The following TWSG1 variants were observed in gnomAD, a reference collection of about 807,000 sequenced individuals.
TWSG1 encodes twisted gastrulation BMP signaling modulator 1, also known as twisted gastrulation protein homolog 1.
A neutral mutation model predicts 23.0 loss-of-function variants in TWSG1; 15 were observed. The observed-to-expected ratio is 0.65, with a 90% CI of 0.44 to 1.00. The LOEUF is 1.00. Ranked by LOEUF, TWSG1 falls within the 50% of genes least tolerant of loss-of-function variation. TWSG1 has a pLI of 0.00. For synonymous variants in TWSG1, 86 were observed against 92.8 expected, an observed-to-expected ratio of 0.93 and a Z score of 0.42; for missense variants, 242 against 278.7, an observed-to-expected ratio of 0.87 and a Z score of 0.94.
chr18:9,396,498 G>A lies in TWSG1; in HGVS notation c.442G>A (p.Val148Met), dbSNP rs775949685. ...TGTGAACCAGCCACACCACCAGAAT[G>A]TGTCTGTCCCCAGCAATAATGTTCA... is the stretch of plus-strand genomic sequence containing the variant. The part of the protein sequence containing the change: ...ETVNQPHHQN[V>M]SVPSNNVHAP... Residue 148 changes from valine (V) to methionine (M), a missense_variant, in exon 4 of 5, where the codon GTG becomes ATG. Coordinates refer to ENST00000262120, the MANE Select transcript of TWSG1 (RefSeq NM_020648.6). The A allele has an allele frequency of 1.9e-6, 3 of 1,614,006 alleles. No homozygotes were observed. The highest frequency in any genetic ancestry group is 2.2e-5 in the South Asian group (2 of 91,076).
intron 3 of TWSG1, among the ~76,000 whole-genome samples, chr18:9,364,288 G>T (rs763337552): frequency 6.6e-6 from 1 of 152,182 alleles, no homozygotes; most frequent in South Asian, 2.1e-4. Flanking sequence ...TGATTAGATT[G>T]AGGCTCAGTT....
At chr18:9,355,221 G>T (rs894865100) in intron 2 of TWSG1, among the ~76,000 whole-genome samples, 1 of 152,204 alleles carries the variant, frequency 6.6e-6, no homozygotes, top group African/African-American at 2.4e-5. Flanking sequence ...CTCCCAAAGT[G>T]CTGGGATTAC....
chr18:9,337,493 A>G, intron 2 of TWSG1, 141 bp downstream of exon 2: 1 of 877,220 alleles, frequency 1.1e-6, no homozygotes, highest in East Asian at 2.7e-5. Context: ...GAATCATGAC[A>G]CACAGGTCTG....
intron 2 of TWSG1, among the ~76,000 whole-genome samples, chr18:9,341,724 A>G (rs2040447109): frequency 6.6e-6 from 1 of 152,154 alleles, no homozygotes; most frequent in Non-Finnish European, 1.5e-5. Flanking sequence ...ATTCTGTTCT[A>G]TCAACTGGAG....
At chr18:9,350,254 T>A (rs1378685428) in intron 2 of TWSG1, among the ~76,000 whole-genome samples, 1 of 55,822 alleles carries the variant, frequency 1.8e-5, no homozygotes, top group Non-Finnish European at 3.4e-5. Context: ...CCTGATATAA[T>A]TTAAAGAAAG....
At position 9,360,039 on chromosome 18, in the gene TWSG1, G is replaced by C. The variant is rs761330233; in HGVS notation, c.191G>C (p.Gly64Ala). Residue 64 changes from glycine (G) to alanine (A), a missense_variant, in exon 3 of 5, where the codon GGG (glycine) becomes GCG (alanine). Physicochemically the swap from Gly to Ala is moderately conservative, Grantham distance 60. Coordinates refer to ENST00000262120, the MANE Select transcript of TWSG1 (RefSeq NM_020648.6). The part of the protein sequence containing the change: ...SCCKECMLCL[G>A]ALWDECCDCV... ...TGTAAGGAGTGCATGCTGTGTCTTGGGGCCCTTTGGGACGAGTGCTGTGAC... is the reference window on the plus strand; with the variant it reads ...TGTAAGGAGTGCATGCTGTGTCTTGCGGCCCTTTGGGACGAGTGCTGTGAC... 6.2e-7 allele frequency: 1 copy of C among 1,613,520 alleles called. No homozygotes were observed. The highest frequency in any genetic ancestry group is 1.7e-5 in the Admixed American group (1 of 59,996).
At position 9,396,482 on chromosome 18, in the gene TWSG1, G is replaced by A. The variant is rs745485806; in HGVS notation, c.426G>A (p.Gln142=). The A allele has an allele frequency of 3.7e-6, 6 of 1,613,940 alleles. No individual in the cohort carries two copies. The African/African-American group carries it at 8.0e-5, about 22-fold the overall frequency. The change falls in exon 4 of 5, where the codon CAG becomes CAA. Residue 142 remains glutamine, a synonymous_variant. Coordinates refer to ENST00000262120, the MANE Select transcript of TWSG1 (RefSeq NM_020648.6). ...TTTCATTTTTAGAAACTGTGAACCA[G>A]CCACACCACCAGAATGTGTCTGTCC... ...NLVSFLETVN[Q]PHHQNVSVPS...
At chr18:9,397,656 T>G (rs1448060023) in intron 4 of TWSG1, among the ~76,000 whole-genome samples, 1 of 152,224 alleles carries the variant, frequency 6.6e-6, no homozygotes, top group Non-Finnish European at 1.5e-5. Flanking sequence ...ATAAATAGTA[T>G]AATTTGTACT....
In TWSG1 at chr18:9,399,712, A is replaced by G; in HGVS notation, c.*185A>G. On this transcript the variant is annotated 3_prime_UTR_variant, in exon 5 of 5. Coordinates refer to ENST00000262120, the MANE Select transcript of TWSG1 (RefSeq NM_020648.6). ...TTTAATTATATAACTGTTCTTACTG[A>G]TTTTATTGCCCCCTAGCAATAAGCC... 1.9e-6 allele frequency: 1 copy of G among 517,546 alleles called. No homozygotes were observed. The highest frequency in any genetic ancestry group is 3.3e-6 in the Non-Finnish European group (1 of 306,188). The allele number at this position is 517,546 out of a possible 1,614,324, so 32.1% of individuals were successfully genotyped here.
chr18:9,388,167 C>T (rs550475576), intron 3 of TWSG1: 15 of 152,234 alleles, frequency 9.9e-5, no homozygotes, highest in East Asian at 1.9e-4. Context: ...TCCTCTGCCC[C>T]TCTGTATTTC....
At chr18:9,380,022 C>T (rs2040648914) in intron 3 of TWSG1, among the ~76,000 whole-genome samples, 1 of 152,190 alleles carries the variant, frequency 6.6e-6, no homozygotes, top group Non-Finnish European at 1.5e-5. Flanking sequence ...TTCTTAACAT[C>T]AGGCATTCCC....
intron 2 of TWSG1, among the ~76,000 whole-genome samples, chr18:9,347,964 T>C (rs2040484970): frequency 6.6e-6 from 1 of 152,176 alleles, no homozygotes; most frequent in Non-Finnish European, 1.5e-5. Context: ...TTTTCTTTTA[T>C]GTCTTTTTTA....
intron 3 of TWSG1, among the ~76,000 whole-genome samples, chr18:9,394,583 C>G (rs1386384379): frequency 6.6e-6 from 1 of 151,976 alleles, no homozygotes; most frequent in African/African-American, 2.4e-5. Flanking sequence ...TTGAATGTTC[C>G]AACACAAAAA....
intron 3 of TWSG1, among the ~76,000 whole-genome samples, chr18:9,370,274 T>C (rs1317858266): frequency 2.6e-5 from 4 of 151,458 alleles, no homozygotes; most frequent in Non-Finnish European, 4.4e-5. Context: ...GCCAAGATCA[T>C]GCCACTGCAC....
chr18:9,372,392 G>A (rs1360711244), intron 3 of TWSG1, among the ~76,000 whole-genome samples: 2 of 98,394 alleles, frequency 2.0e-5, no homozygotes, highest in Non-Finnish European at 4.5e-5. Context: ...AAATAATACG[G>A]TAATAAAAGT....
intron 3 of TWSG1, among the ~76,000 whole-genome samples, chr18:9,380,669 C>G (rs1310855898): frequency 6.6e-6 from 1 of 152,198 alleles, no homozygotes; most frequent in Non-Finnish European, 1.5e-5. Context: ...GCCAGATTGC[C>G]TGAGAACTGC....
At chr18:9,396,757 T>A (rs1194466538) in intron 4 of TWSG1, 3 of 635,572 alleles carry the variant, frequency 4.7e-6, no homozygotes, top group African/African-American at 1.9e-5. Flanking sequence ...CTCCAATCCT[T>A]GAGTAGATAA....
At chr18:9,348,723 T>C (rs1338338617) in intron 2 of TWSG1, among the ~76,000 whole-genome samples, 1 of 152,222 alleles carries the variant, frequency 6.6e-6, no homozygotes, top group Non-Finnish European at 1.5e-5. Flanking sequence ...ATAAGTACTT[T>C]AAGAAAGACA....
chr18:9,391,645 T>G (rs905012341), intron 3 of TWSG1, among the ~76,000 whole-genome samples: 3 of 152,206 alleles, frequency 2.0e-5, no homozygotes, highest in Admixed American at 6.5e-5. Context: ...ATAACAGTTA[T>G]AATAATAATG....
Sources: gnomAD v4.1 joint callset for allele counts (sites outside exome capture counted in the v4.1 genomes callset) on GRCh38, gnomAD v4.1.1 for gene constraint, MANE v1.5 for transcripts, NCBI Gene and HGNC (gene_info 2026-07-23, HGNC 2026-07-21) for gene names.